SCFD2: variants seen among roughly 807,000 people sequenced by gnomAD.
SCFD2 encodes the protein sec1 family domain containing 2.
In SCFD2, 54 loss-of-function variants were observed where a neutral mutation model predicts 58.9. The observed-to-expected ratio is 0.92, with a 90% CI of 0.74 to 1.15. The LOEUF (loss-of-function observed/expected upper bound fraction) is 1.15, where lower values mean the gene tolerates loss of function less well. SCFD2 is among the 50% of genes most tolerant of loss of function. The pLI is 0.00. For missense variants in SCFD2, 805 were observed against 836.6 expected, an observed-to-expected ratio of 0.96 and a Z score of 0.47; for synonymous variants, 321 against 335.9, an observed-to-expected ratio of 0.96 and a Z score of 0.49.
chr4:53,183,096 A>G (rs1161876570), intron 4 of SCFD2, among the ~76,000 whole-genome samples: 1 of 152,188 alleles, frequency 6.6e-6, no homozygotes, highest in Non-Finnish European at 1.5e-5. Context: ...CAGTGTGGCG[A>G]TTCCTCAGGG....
intron 5 of SCFD2, among the ~76,000 whole-genome samples, chr4:52,972,076 A>T (rs1485404192): frequency 1.3e-5 from 2 of 152,230 alleles, no homozygotes; most frequent in African/African-American, 4.8e-5. Context: ...CAAATTGTAA[A>T]GACCATCGAG....
intron 4 of SCFD2, among the ~76,000 whole-genome samples, chr4:53,268,167 G>T (rs1332326174): frequency 5.9e-5 from 9 of 152,080 alleles, no homozygotes; most frequent in African/African-American, 2.2e-4. Flanking sequence ...TCCAGAGCAT[G>T]GTGTCAGAGC....
At chr4:52,936,747 C>T (rs190837482) in intron 5 of SCFD2, among the ~76,000 whole-genome samples, 1 of 152,308 alleles carries the variant, frequency 6.6e-6, no homozygotes, top group Admixed American at 6.5e-5. Context: ...CCTCCTTCAG[C>T]TCATAGACAT....
intron 5 of SCFD2, among the ~76,000 whole-genome samples, chr4:53,057,047 T>C (rs369090253): frequency 6.6e-6 from 1 of 152,048 alleles, no homozygotes; most frequent in Non-Finnish European, 1.5e-5. Context: ...TAGCCAGGCG[T>C]GGTAGTGCAG....
chr4:52,922,749 G>A (rs1719770841), intron 5 of SCFD2, among the ~76,000 whole-genome samples: 1 of 152,098 alleles, frequency 6.6e-6, no homozygotes, highest in South Asian at 2.1e-4. Flanking sequence ...CTGGTCATAT[G>A]GTAACTTTGT....
chr4:53,027,244 GC>G (rs1201045389), intron 5 of SCFD2, among the ~76,000 whole-genome samples: 2 of 150,516 alleles, frequency 1.3e-5, no homozygotes, highest in East Asian at 3.9e-4. Context: ...CAGTTACCCA[GC>G]CCCACACACT....
At chr4:52,944,176 T>G (rs1409753614) in intron 5 of SCFD2, among the ~76,000 whole-genome samples, 1 of 152,210 alleles carries the variant, frequency 6.6e-6, no homozygotes, top group African/African-American at 2.4e-5. Flanking sequence ...CTCTCAATAT[T>G]TATTTTATGT....
At chr4:52,935,620 C>A (rs1482799760) in intron 5 of SCFD2, among the ~76,000 whole-genome samples, 1 of 152,178 alleles carries the variant, frequency 6.6e-6, no homozygotes, top group Non-Finnish European at 1.5e-5. Context: ...TGGGGATCCA[C>A]CATTGTGTCT....
At chr4:53,341,850 C>A (rs1373867536) in intron 2 of SCFD2, among the ~76,000 whole-genome samples, 1 of 152,144 alleles carries the variant, frequency 6.6e-6, no homozygotes, top group East Asian at 1.9e-4. Flanking sequence ...TCATATCCAG[C>A]CAAACTAAGC....
At chr4:53,227,069 T>A (rs920835427) in intron 4 of SCFD2, among the ~76,000 whole-genome samples, 2 of 152,180 alleles carry the variant, frequency 1.3e-5, no homozygotes, top group African/African-American at 4.8e-5. Context: ...ATGGAGCATG[T>A]GGCTGACAGA....
intron 5 of SCFD2, among the ~76,000 whole-genome samples, chr4:52,971,704 C>T (rs1187122623): frequency 6.6e-6 from 1 of 152,126 alleles, no homozygotes; most frequent in Admixed American, 6.5e-5. Flanking sequence ...AACTCCAAGA[C>T]ACATAATTGT....
At chr4:53,275,089 C>T (rs999769401) in intron 3 of SCFD2, among the ~76,000 whole-genome samples, 1 of 152,206 alleles carries the variant, frequency 6.6e-6, no homozygotes, top group African/African-American at 2.4e-5. Context: ...TTTACTGATT[C>T]TCATGGCAAC....
chr4:53,267,127 A>G (rs774057613), intron 4 of SCFD2, among the ~76,000 whole-genome samples: 3 of 152,106 alleles, frequency 2.0e-5, no homozygotes, highest in African/African-American at 4.8e-5. Flanking sequence ...TGTCTATAAC[A>G]TTACTTAGGC....
At position 52,875,289 on chromosome 4, in the gene SCFD2, AT is replaced by A. The variant is rs551031002; in HGVS notation, c.1963-1229del. ...CAGTCTGGATTTTATTCCAGGACAG[AT>A]TTATCTCTGCAAAGGTGGGAGAGCC... is the stretch of plus-strand genomic sequence containing the variant. On this transcript the variant is annotated intron_variant, in intron 8 of 8. Coordinates refer to ENST00000401642, the MANE Select transcript of SCFD2 (RefSeq NM_152540.4). Among the ~76,000 whole-genome samples the A allele has an allele frequency of 1.9e-3, 291 of 152,158 alleles. 1 individual carries two copies. Among genetic ancestry groups the A allele is most frequent in the African/African-American group, 6.6e-3 (275 of 41,498 alleles).
At position 52,950,393 on chromosome 4, in the gene SCFD2, A is replaced by G. The variant is rs547411307; in HGVS notation, c.1562-29523T>C. On this transcript the variant is annotated intron_variant, in intron 5 of 8. Coordinates refer to ENST00000401642, the MANE Select transcript of SCFD2 (RefSeq NM_152540.4). ...AAAACAAAGAATAAGTAAATGTTCT[A>G]CATTCCTGAGAAAAGGGGCCCTGCC... 4 of 152,380 alleles carry G rather than the reference A, an allele frequency of 2.6e-5. No individual in the cohort carries two copies. In the South Asian group the frequency reaches 8.3e-4, roughly 32 times the overall value. The allele number at this position is 152,380 out of a possible 1,614,324, so 9.4% of individuals were successfully genotyped here.
At chr4:53,357,542 T>A (rs901846601) in intron 1 of SCFD2, among the ~76,000 whole-genome samples, 1 of 152,018 alleles carries the variant, frequency 6.6e-6, no homozygotes, top group Non-Finnish European at 1.5e-5. Context: ...GAGGGTCAAA[T>A]AGCACAAAAA....
intron 5 of SCFD2, among the ~76,000 whole-genome samples, chr4:53,119,914 A>G (rs3849654): frequency 0.4 from 60,029 of 151,972 alleles, 12,707 homozygotes; most frequent in East Asian, 0.49. Context: ...TTGGATTTTT[A>G]TAGAAAAGTA....
intron 5 of SCFD2, chr4:52,956,502 TTC>T (rs1720717573): frequency 3.2e-6 from 1 of 313,998 alleles, no homozygotes; most frequent in East Asian, 8.8e-5. Flanking sequence ...ACCAGGCCCT[TTC>T]TGTCTCTTGT....
At chr4:53,176,602 A>G (rs1727337802) in intron 4 of SCFD2, among the ~76,000 whole-genome samples, 1 of 152,238 alleles carries the variant, frequency 6.6e-6, no homozygotes. Flanking sequence ...AAAGCCTTCT[A>G]GACCACTGTT....
Sources: allele counts gnomAD v4.1 joint callset (sites outside exome capture counted in the v4.1 genomes callset), GRCh38; gene constraint gnomAD v4.1.1; transcripts MANE v1.5; gene names NCBI Gene and HGNC (gene_info 2026-07-23, HGNC 2026-07-21).